Variants in DMD observed in about 807,000 individuals in gnomAD.
DMD encodes the protein mutant dystrophin.
Under a neutral mutation model 330.1 loss-of-function variants are expected in DMD, and 63 were observed. The observed-to-expected ratio is 0.19, with a 90% confidence interval of 0.16 to 0.24. The LOEUF is 0.24. Ranked by LOEUF, DMD falls within the 10% of genes least tolerant of loss-of-function variation. The probability of loss-of-function intolerance (pLI) is 1.00; values close to 1 mark genes in which losing one functional copy is unlikely to be tolerated. For synonymous variants in DMD, 1,223 were observed against 959.8 expected, an observed-to-expected ratio of 1.27 and a Z score of -5.07; for missense variants, 3,344 against 2,684.1, an observed-to-expected ratio of 1.25 and a Z score of -5.43.
Position 31,162,045 on chromosome X carries a change from T to G in DMD, c.10553+7398A>C, listed in dbSNP as rs376313271. 1.3e-4 allele frequency among the ~76,000 whole-genome samples: 14 copies of G among 111,261 alleles called. No individual in the cohort carries two copies. In the South Asian group the frequency reaches 5.0e-3, roughly 39 times the overall value. ...GTAAAGGCCTCTCTACTCCCTCTGA[T>G]AGAATAAATCATTCACCTCTGTGCC... On this transcript the variant is annotated intron_variant, in intron 74 of 78. Coordinates refer to ENST00000357033, the MANE Select transcript of DMD (RefSeq NM_004006.3).
At position 32,351,629 on chromosome X, in the gene DMD, A is replaced by T. The variant is rs188647343; in HGVS notation, c.5326-3101T>A. Reference sequence around the variant, plus strand: ...CAGTCATTTCTGGTACATAGTAAATATTCATAAGTAAATATTTCCTGAAAA... The same window carrying T: ...CAGTCATTTCTGGTACATAGTAAATTTTCATAAGTAAATATTTCCTGAAAA... On this transcript the variant is annotated intron_variant, in intron 37 of 78. Transcript: ENST00000357033. 7.3e-3 allele frequency among the ~76,000 whole-genome samples: 805 copies of T among 110,010 alleles called. 8 individuals are homozygous for T. The highest frequency in any genetic ancestry group is 0.025 in the African/African-American group (764 of 30,396).
At chrX:33,011,939 T>C (rs1258383782) in intron 2 of DMD, among the ~76,000 whole-genome samples, 1 of 111,707 alleles carries the variant, frequency 9.0e-6, no homozygotes, top group East Asian at 2.8e-4. Flanking sequence ...TGCTTGGCAC[T>C]GAGACCACTC....
chrX:32,550,282 A>G (rs2049408281), intron 16 of DMD, among the ~76,000 whole-genome samples: 1 of 112,174 alleles, frequency 8.9e-6, no homozygotes, highest in Non-Finnish European at 1.9e-5. Context: ...AATTATACCA[A>G]CAACACTCTT....
chrX:32,970,155 T>C (rs1185574914), intron 2 of DMD, among the ~76,000 whole-genome samples: 1 of 94,309 alleles, frequency 1.1e-5, no homozygotes, highest in Non-Finnish European at 2.0e-5. Context: ...ACTCTTTGGA[T>C]AACCTTGTTT....
chrX:32,749,767 A>G (rs6631641), intron 7 of DMD, among the ~76,000 whole-genome samples: 1 of 112,546 alleles, frequency 8.9e-6, no homozygotes, highest in African/African-American at 3.2e-5. Context: ...AGAACTACGT[A>G]AAATTATCAT....
intron 7 of DMD, among the ~76,000 whole-genome samples, chrX:32,802,647 A>T (rs1274906117): frequency 8.9e-6 from 1 of 111,747 alleles, no homozygotes; most frequent in East Asian, 2.8e-4. Flanking sequence ...GACACATTCC[A>T]TCAATACCTA....
chrX:32,000,369 C>A (rs568851252), intron 44 of DMD, among the ~76,000 whole-genome samples: 2 of 112,082 alleles, frequency 1.8e-5, no homozygotes, highest in South Asian at 7.3e-4. Flanking sequence ...AACATAAATG[C>A]AATGCTGTTT....
At chrX:32,573,951 G>A (rs1381668513) in intron 13 of DMD, 105 bp from the exon 14 acceptor site, 13 of 617,799 alleles carry the variant, frequency 2.1e-5, no homozygotes, top group South Asian at 1.4e-4. Context: ...TCCTATGTAC[G>A]CTAGAAGTTG....
At chrX:33,082,806 C>A (rs756302020) in intron 1 of DMD, among the ~76,000 whole-genome samples, 183 of 111,925 alleles carry the variant, frequency 1.6e-3, no homozygotes, top group Non-Finnish European at 2.6e-3. Context: ...GTTTCAGGGA[C>A]CTGTAGCAAA....
chrX:32,679,657 C>A (rs2062229513), intron 9 of DMD, among the ~76,000 whole-genome samples: 2 of 110,515 alleles, frequency 1.8e-5, no homozygotes, highest in South Asian at 7.5e-4. Flanking sequence ...AGAAAAGGAA[C>A]TGCCTTTTAT....
At chrX:32,982,738 C>T (rs1031884442) in intron 2 of DMD, among the ~76,000 whole-genome samples, 3 of 111,813 alleles carry the variant, frequency 2.7e-5, no homozygotes, top group African/African-American at 6.5e-5. Flanking sequence ...AACCAGCAGT[C>T]GAAAGCAGCC....
chrX:31,721,710 C>A (rs1447182717), intron 52 of DMD, among the ~76,000 whole-genome samples: 4,597 of 54,545 alleles, frequency 0.084, 134 homozygotes, highest in South Asian at 0.098. Flanking sequence ...CTCTCTCTCT[C>A]TCTCTCTCTA....
chrX:33,330,095 C>A (rs181120892), intron 1 of DMD, among the ~76,000 whole-genome samples: 1 of 110,045 alleles, frequency 9.1e-6, no homozygotes, highest in East Asian at 2.8e-4. Flanking sequence ...ATATGCATAT[C>A]TATATATGTC....
At chrX:32,589,586 A>T (rs2054664388) in intron 13 of DMD, among the ~76,000 whole-genome samples, 1 of 111,251 alleles carries the variant, frequency 9.0e-6, no homozygotes, top group African/African-American at 3.3e-5. Flanking sequence ...ACACACTTAC[A>T]TTTATATATA....
rs186333003 is a variant in DMD at position 32,239,596 on chromosome X, C to G, written c.6291-22533G>C. 2.7e-3 allele frequency among the ~76,000 whole-genome samples: 296 copies of G among 111,568 alleles called. 2 individuals are homozygous for G. In the Middle Eastern group the frequency reaches 0.028, roughly 11 times the overall value. On this transcript the variant is annotated intron_variant, in intron 43 of 78. Transcript: ENST00000357033. ...ATGTTGTATCTTCTATGGGTTTGGA[C>G]AAATATATAATGAAAGGTATCCACC...
intron 17 of DMD, among the ~76,000 whole-genome samples, chrX:32,532,860 A>G (rs1369429328): frequency 8.9e-6 from 1 of 111,899 alleles, no homozygotes; most frequent in Admixed American, 9.5e-5. Context: ...ACAAAAATCA[A>G]CAGCAAAATA....
intron 1 of DMD, among the ~76,000 whole-genome samples, chrX:33,201,560 A>T: frequency 9.0e-6 from 1 of 111,542 alleles, no homozygotes; most frequent in Non-Finnish European, 1.9e-5. Context: ...TTACTGGTAC[A>T]CTCTAGAATT....
At chrX:32,836,050 G>C (rs1160396744) in intron 4 of DMD, among the ~76,000 whole-genome samples, 1 of 105,644 alleles carries the variant, frequency 9.5e-6, no homozygotes, top group African/African-American at 3.6e-5. Flanking sequence ...TTTTTTTTTT[G>C]GAGACAAGTC....
In DMD at chrX:31,260,976, T is replaced by A. The variant is rs776860944; in HGVS notation, c.9265A>T (p.Thr3089Ser). Reference sequence around the variant, plus strand: ...TTACCTAAAGACTGGTAGAGCTCTGTCATTTTGGGATGGTCCCAGCAAGTT... The same window carrying A: ...TTACCTAAAGACTGGTAGAGCTCTGACATTTTGGGATGGTCCCAGCAAGTT... ...QTTCWDHPKM[T>S]ELYQSLADLN... Residue 3089 changes from threonine (T) to serine (S), a missense_variant, in exon 63 of 79, where the codon ACA becomes TCA. Physicochemically the swap from Thr to Ser is moderately conservative, Grantham distance 58 (BLOSUM62 1). Transcript: ENST00000357033. The A allele has an allele frequency of 3.3e-6, 4 of 1,211,418 alleles. No individual in the cohort carries two copies. The Admixed American group carries it at 8.7e-5, about 26-fold the overall frequency.
Sources: gnomAD v4.1 joint callset for allele counts (sites outside exome capture counted in the v4.1 genomes callset) on GRCh38, gnomAD v4.1.1 for gene constraint, MANE v1.5 for transcripts, NCBI Gene and HGNC (gene_info 2026-07-23, HGNC 2026-07-21) for gene names.